The following HPSE variants were observed in gnomAD, a reference collection of about 807,000 sequenced individuals.
HPSE encodes heparanase.
Under a neutral mutation model 65.1 loss-of-function variants are expected in HPSE, and 48 were observed. The observed-to-expected ratio is 0.74, with a 90% CI of 0.58 to 0.94. The LOEUF (loss-of-function observed/expected upper bound fraction) is 0.94. HPSE is among the 40% of genes least tolerant of loss of function. The probability of loss-of-function intolerance (pLI) is 0.00; values close to 1 mark genes in which losing one functional copy is unlikely to be tolerated. For synonymous variants in HPSE, 243 were observed against 260.0 expected, an observed-to-expected ratio of 0.93 and a Z score of 0.63; for missense variants, 644 against 637.5, an observed-to-expected ratio of 1.01 and a Z score of -0.11.
At chr4:83,318,494 C>T (rs1736744199) in intron 3 of HPSE, among the ~76,000 whole-genome samples, 1 of 151,884 alleles carries the variant, frequency 6.6e-6, no homozygotes, top group African/African-American at 2.4e-5. Context: ...ATTAGCCGGT[C>T]GTGATGGTAG....
intron 4 of HPSE, 133 bp from the exon 5 acceptor site, chr4:83,311,023 A>AT: frequency 1.4e-6 from 1 of 738,752 alleles, no homozygotes; most frequent in Non-Finnish European, 2.2e-6. Flanking sequence ...GAAAAGTAAA[A>AT]CCAGGTCTGG....
chr4:83,323,396 G>C (rs547840572), intron 1 of HPSE, among the ~76,000 whole-genome samples: 1 of 152,230 alleles, frequency 6.6e-6, no homozygotes, highest in African/African-American at 2.4e-5. Flanking sequence ...TGTTGATAAT[G>C]AGGGAGGCTA....
intron 2 of HPSE, among the ~76,000 whole-genome samples, chr4:83,320,028 T>TA (rs58369674): frequency 3.5e-4 from 38 of 107,964 alleles, no homozygotes; most frequent in South Asian, 9.9e-4. Flanking sequence ...AGACACTGTC[T>TA]AAAAAAAAAA....
chr4:83,309,564 G>T, intron 6 of HPSE, 69 bp from the exon 7 acceptor site: 1 of 862,004 alleles, frequency 1.2e-6, no homozygotes, highest in South Asian at 1.5e-5. Context: ...GTTAATTGCT[G>T]ACCTTATTCT....
At chr4:83,327,854 C>A (rs1737210974) in intron 1 of HPSE, among the ~76,000 whole-genome samples, 1 of 152,100 alleles carries the variant, frequency 6.6e-6, no homozygotes, top group Non-Finnish European at 1.5e-5. Flanking sequence ...TCCCAGAGAG[C>A]CAGTTGTTAA....
In HPSE at chr4:83,322,915, C is replaced by T. The variant is rs970965322; in HGVS notation, c.228-551G>A. 2.0e-5 allele frequency among the ~76,000 whole-genome samples: 3 copies of T among 151,312 alleles called. No individual in the cohort carries two copies. In the East Asian group the frequency reaches 5.8e-4, roughly 29 times the overall value. On this transcript the variant is annotated intron_variant, in intron 1 of 11. Coordinates refer to ENST00000311412, the MANE Select transcript of HPSE (RefSeq NM_001098540.3). The stretch of plus-strand genomic sequence containing the variant: ...TTCTGGCTTCAAGTGATGCTTCTGC[C>T]ACAGCCTCCCAAAATGCTGAGATTA...
At chr4:83,320,163 T>A (rs4693083) in intron 2 of HPSE, among the ~76,000 whole-genome samples, 119,209 of 152,064 alleles carry the variant, frequency 0.78, 46,786 homozygotes, top group East Asian at 0.87. Flanking sequence ...CAGTGTGGTG[T>A]TTTCCTCTTG....
chr4:83,334,921 GCCCT>G, upstream of HPSE: 1 of 1,332,076 alleles, frequency 7.5e-7, no homozygotes. Context: ...CTCCCACTGC[GCCCT>G]CCATCCCTCC....
rs1422487991 is a variant in HPSE at position 83,300,747 on chromosome 4, G to A, written c.1472+213C>T. Among the ~76,000 whole-genome samples the A allele has an allele frequency of 3.4e-4, 8 of 23,814 alleles. 3 individuals are homozygous for A. Among genetic ancestry groups the A allele is most frequent in the Non-Finnish European group, 8.9e-4 (6 of 6,734 alleles). The allele number at this position is 23,814 out of a possible 152,430, so 15.6% of individuals were successfully genotyped here. ...GGAGAATGGCGTGAACCCGGGAGGCGGAGCTTGCAGTGAGCCGAGATCCCG... is the reference window on the plus strand; with the variant it reads ...GGAGAATGGCGTGAACCCGGGAGGCAGAGCTTGCAGTGAGCCGAGATCCCG... On this transcript the variant is annotated intron_variant, in intron 11 of 11. Coordinates refer to ENST00000311412, the MANE Select transcript of HPSE (RefSeq NM_001098540.3).
intron 1 of HPSE, among the ~76,000 whole-genome samples, chr4:83,326,000 C>T (rs1430580587): frequency 6.6e-6 from 1 of 152,034 alleles, no homozygotes; most frequent in East Asian, 1.9e-4. Flanking sequence ...TCACGGAGGG[C>T]CCCGTAAGCC....
intron 3 of HPSE, 124 bp from the exon 4 acceptor site, chr4:83,313,411 GATTATA>G (rs1204104794): frequency 3.3e-6 from 2 of 598,138 alleles, no homozygotes; most frequent in Non-Finnish European, 5.6e-6. Flanking sequence ...TCTAATAAAT[GATTATA>G]ATTATGTTTT....
At chr4:83,313,429 G>T in intron 3 of HPSE, 142 bp from the exon 4 acceptor site, 1 of 570,210 alleles carries the variant, frequency 1.8e-6, no homozygotes, top group Admixed American at 3.6e-5. Flanking sequence ...TTATGTTTTT[G>T]AGACAACAAA....
chr4:83,325,936 G>A (rs1324811120), intron 1 of HPSE, among the ~76,000 whole-genome samples: 1 of 152,282 alleles, frequency 6.6e-6, no homozygotes, highest in East Asian at 1.9e-4. Flanking sequence ...GGTGCCTAGA[G>A]ATGGGGGCAG....
Position 83,326,143 on chromosome 4 carries a change from A to T in HPSE, c.228-3779T>A, listed in dbSNP as rs1737146047. The stretch of plus-strand genomic sequence containing the variant: ...AACGTAGACAAAACGTGATGGACTG[A>T]GGTAAGGTAACAGCTCAGAGATGGA... On this transcript the variant is annotated intron_variant, in intron 1 of 11. Coordinates refer to ENST00000311412, the MANE Select transcript of HPSE (RefSeq NM_001098540.3). The surrounding 1 kb of genome is among the most constrained non-coding windows in gnomAD (Gnocchi z 4.2). 6.6e-6 allele frequency among the ~76,000 whole-genome samples: 1 copy of T among 152,240 alleles called. No homozygotes were observed. Among genetic ancestry groups the T allele is most frequent in the African/African-American group, 2.4e-5 (1 of 41,466 alleles).
rs1338595097 is a variant in HPSE, at chr4:83,326,110, G to T, written c.228-3746C>A. On this transcript the variant is annotated intron_variant, in intron 1 of 11. Coordinates refer to ENST00000311412, the MANE Select transcript of HPSE (RefSeq NM_001098540.3). This position sits in a 1 kb window ranked among gnomAD's most constrained non-coding sequence, Gnocchi z 4.2. ...TCACCAGACTAAGAACAAGACTCTG[G>T]TCATGTTAACGTAGACAAAACGTGA... 6.6e-6 allele frequency among the ~76,000 whole-genome samples: 1 copy of T among 152,184 alleles called. No individual in the cohort carries two copies. Among genetic ancestry groups the T allele is most frequent in the Admixed American group, 6.5e-5 (1 of 15,288 alleles).
At chr4:83,298,744 C>T (rs929507135) in intron 11 of HPSE, among the ~76,000 whole-genome samples, 10 of 152,130 alleles carry the variant, frequency 6.6e-5, no homozygotes, top group African/African-American at 2.4e-4. Context: ...GGAAGGATCA[C>T]TTGAGCCCAG....
chr4:83,323,460 T>C (rs1217553689), intron 1 of HPSE, among the ~76,000 whole-genome samples: 1 of 151,796 alleles, frequency 6.6e-6, no homozygotes, highest in Admixed American at 6.6e-5. Context: ...GCATTCAATT[T>C]TGCTGTGAAC....
At chr4:83,324,615 C>T (rs1289760254) in intron 1 of HPSE, among the ~76,000 whole-genome samples, 1 of 152,148 alleles carries the variant, frequency 6.6e-6, no homozygotes, top group East Asian at 1.9e-4. Flanking sequence ...AAATACCTGA[C>T]AGCCCCAAAG....
In HPSE at chr4:83,294,952, C is replaced by G. The variant is rs1485393895; in HGVS notation, c.*392G>C. The G allele has an allele frequency of 6.6e-6, 1 of 152,282 alleles. No homozygotes were observed. Among genetic ancestry groups the G allele is most frequent in the Non-Finnish European group, 1.5e-5 (1 of 68,218 alleles). The allele number at this position is 152,282 out of a possible 1,614,324, so 9.4% of individuals were successfully genotyped here. On this transcript the variant is annotated 3_prime_UTR_variant, in exon 12 of 12. Coordinates refer to ENST00000311412, the MANE Select transcript of HPSE (RefSeq NM_001098540.3). ...GGCGTGGTGGCACACGCCTATAATC[C>G]CAGCTACTCAGGAAGCTGAGGCAGG... is the stretch of plus-strand genomic sequence containing the variant.
Sources: allele counts gnomAD v4.1 joint callset (sites outside exome capture counted in the v4.1 genomes callset), GRCh38; gene constraint gnomAD v4.1.1; non-coding constraint Gnocchi (gnomAD v3.1); transcripts MANE v1.5; gene names NCBI Gene and HGNC (gene_info 2026-07-23, HGNC 2026-07-21).